The following GFPT1 variants were observed in gnomAD, a reference collection of about 807,000 sequenced individuals.
The protein encoded by GFPT1 is glutamine--fructose-6-phosphate transaminase 1, also known as glutamine--fructose-6-phosphate aminotransferase [isomerizing] 1.
A neutral mutation model predicts 92.0 loss-of-function variants in GFPT1; 40 were observed. That is an observed-to-expected ratio of 0.43 (90% CI 0.34 to 0.57). The LOEUF (loss-of-function observed/expected upper bound fraction) is 0.57. Ranked by LOEUF, GFPT1 falls within the 20% of genes least tolerant of loss-of-function variation. GFPT1 has a pLI of 0.02. For synonymous variants in GFPT1, 269 were observed against 280.6 expected (o/e 0.96, Z 0.41); for missense variants, 448 against 869.1 (o/e 0.52, Z 6.09).
At chr2:69,359,430 T>C in intron 4 of GFPT1, 104 bp from the exon 5 acceptor site, 3 of 682,132 alleles carry the variant, frequency 4.4e-6, no homozygotes, top group East Asian at 2.8e-5. Flanking sequence ...ATTTTTAACA[T>C]GCTATATACT....
intron 1 of GFPT1, among the ~76,000 whole-genome samples, chr2:69,382,227 A>T (rs1574093104): frequency 6.6e-6 from 1 of 152,324 alleles, no homozygotes. Flanking sequence ...TGTTAACATC[A>T]AAATATTCTG....
In GFPT1 at chr2:69,354,576, T is replaced by C. The variant is rs2104648140; in HGVS notation, c.606-8A>G. The stretch of plus-strand genomic sequence containing the variant: ...AACAGAGGGCTACCTCGCCTGTAAA[T>C]TGCAAAAGCAGTTAGAATTAAACCA... On this transcript the variant is annotated splice_region_variant and splice_polypyrimidine_tract_variant and intron_variant, in intron 7 of 19. Transcript: ENST00000357308. 6.3e-7 allele frequency: 1 copy of C among 1,582,044 alleles called. No homozygotes were observed. Among genetic ancestry groups the C allele is most frequent in the Non-Finnish European group, 8.7e-7 (1 of 1,150,794 alleles).
In GFPT1 at chr2:69,326,243, G is replaced by GAAAAAAAAAAAA; in HGVS notation, c.2056-22_2056-11dup. The GAAAAAAAAAAAA allele has an allele frequency of 7.4e-7, 1 of 1,346,800 alleles. No individual in the cohort carries two copies. Among genetic ancestry groups the GAAAAAAAAAAAA allele is most frequent in the Non-Finnish European group, 1.0e-6 (1 of 974,834 alleles). The allele number at this position is 1,346,800 out of a possible 1,614,324, so 83.4% of individuals were successfully genotyped here. A position where few individuals can be genotyped will look rare whatever the true frequency, so the allele number is the denominator to read the frequency against. Reference sequence around the variant, plus strand: ...TCCGTGGGAAATCAACCTGCAAAAAGAAAAAAAAAAAAAGCAAGATTTGAG... The same window carrying GAAAAAAAAAAAA: ...TCCGTGGGAAATCAACCTGCAAAAAGAAAAAAAAAAAAAAAAAAAAAAAAAGCAAGATTTGAG... On this transcript the variant is annotated splice_polypyrimidine_tract_variant and intron_variant, in intron 19 of 19. Transcript: ENST00000357308.
At position 69,326,901 on chromosome 2, in the gene GFPT1, G is replaced by A; in HGVS notation, c.2055+13C>T. On this transcript the variant is annotated intron_variant, in intron 19 of 19. Coordinates refer to ENST00000357308, the MANE Select transcript of GFPT1 (RefSeq NM_001244710.2). ...AAACCATCCCAAGATTTCTGCAGTG[G>A]TAGATGACTTACATCATAGCCTCTC... 1 of 1,613,620 alleles carries A rather than the reference G, an allele frequency of 6.2e-7. No individual in the cohort carries two copies. The highest frequency in any genetic ancestry group is 8.5e-7 in the Non-Finnish European group (1 of 1,179,490).
intron 15 of GFPT1, among the ~76,000 whole-genome samples, 153 bp downstream of exon 15, chr2:69,337,745 G>C (rs563091817): frequency 6.6e-6 from 1 of 152,318 alleles, no homozygotes; most frequent in Non-Finnish European, 1.5e-5. Context: ...ACAATGATTA[G>C]TAAAATGTGT....
intron 1 of GFPT1, among the ~76,000 whole-genome samples, chr2:69,376,908 T>G (rs1671884637): frequency 6.6e-6 from 1 of 151,998 alleles, no homozygotes; most frequent in Non-Finnish European, 1.5e-5. Context: ...TAGACTCTAC[T>G]TTTTTTTAAA....
chr2:69,362,956 A>C (rs1158416623), intron 4 of GFPT1, among the ~76,000 whole-genome samples: 1 of 151,974 alleles, frequency 6.6e-6, no homozygotes, highest in Non-Finnish European at 1.5e-5. Flanking sequence ...CCAATAACAA[A>C]AGTTCTCAGC....
At chr2:69,344,189 A>G (rs1390831326) in intron 12 of GFPT1, among the ~76,000 whole-genome samples, 2 of 46,066 alleles carry the variant, frequency 4.3e-5, no homozygotes, top group Non-Finnish European at 7.9e-5. Context: ...AGCAAAGCAA[A>G]AAAAAAAAAA....
intron 6 of GFPT1, among the ~76,000 whole-genome samples, chr2:69,357,452 A>G (rs965170344): frequency 1.3e-5 from 2 of 152,252 alleles, no homozygotes; most frequent in African/African-American, 4.8e-5. Context: ...CTTGGAACAC[A>G]AACTGGATTA....
intron 7 of GFPT1, 117 bp from the exon 8 acceptor site, chr2:69,354,685 T>C: frequency 2.8e-6 from 2 of 726,590 alleles, no homozygotes; most frequent in Non-Finnish European, 5.0e-6. Context: ...CAAGCTCAAC[T>C]TCAGATATAA....
chr2:69,349,373 G>A (rs1671156063), intron 10 of GFPT1, among the ~76,000 whole-genome samples: 1 of 152,066 alleles, frequency 6.6e-6, no homozygotes, highest in South Asian at 2.1e-4. Flanking sequence ...TCTTAGCCCT[G>A]ACTACACACC....
intron 12 of GFPT1, among the ~76,000 whole-genome samples, chr2:69,343,775 T>TA (rs1671013513): frequency 6.6e-6 from 1 of 152,234 alleles, no homozygotes. Flanking sequence ...TTTTACTTTT[T>TA]ATCTTTTGAA....
intron 6 of GFPT1, among the ~76,000 whole-genome samples, chr2:69,357,341 G>T (rs1451123285): frequency 6.6e-6 from 1 of 152,114 alleles, no homozygotes; most frequent in African/African-American, 2.4e-5. Context: ...TTATTAACAT[G>T]CACACCATAC....
chr2:69,372,334 C>G (rs1210465491), intron 2 of GFPT1, among the ~76,000 whole-genome samples: 1 of 151,898 alleles, frequency 6.6e-6, no homozygotes, highest in African/African-American at 2.4e-5. Flanking sequence ...CTTTGGGAGG[C>G]CAGGGCGGGT....
At chr2:69,338,691 C>A in intron 13 of GFPT1, 126 bp from the exon 14 acceptor site, 1 of 812,132 alleles carries the variant, frequency 1.2e-6, no homozygotes, top group Non-Finnish European at 2.0e-6. Context: ...AAAATAAAAA[C>A]AACCCAGATT....
Position 69,356,672 on chromosome 2 carries a change from C to T in GFPT1, c.544-115G>A, listed in dbSNP as rs1189737822. On this transcript the variant is annotated intron_variant, in intron 6 of 19. Transcript: ENST00000357308. ...TTGTTCACACAAATGCTCTTTTGTA[C>T]CAGTTTATAAACAAGTCTAAAGTTT... is the stretch of plus-strand genomic sequence containing the variant. 4 of 772,482 alleles carry T rather than the reference C, an allele frequency of 5.2e-6. No homozygotes were observed. The Admixed American group carries it at 5.5e-5, about 11-fold the overall frequency. The allele number at this position is 772,482 out of a possible 1,614,324, so 47.9% of individuals were successfully genotyped here. A position where few individuals can be genotyped will look rare whatever the true frequency, so the allele number is the denominator to read the frequency against.
In GFPT1 at chr2:69,325,996, C is replaced by CA. The variant is rs1670520409; in HGVS notation, c.*192dup. ...AGATTCCATTATTCAAAGTCCTCCA[C>CA]AAATTACTGGGAAAATGTAAGAGGT... On this transcript the variant is annotated 3_prime_UTR_variant, in exon 20 of 20. Coordinates refer to ENST00000357308, the MANE Select transcript of GFPT1 (RefSeq NM_001244710.2). The CA allele has an allele frequency of 7.2e-6, 4 of 555,236 alleles. No homozygotes were observed. The highest frequency in any genetic ancestry group is 1.3e-5 in the Non-Finnish European group (4 of 315,068). 34.4% of individuals were successfully genotyped at this position (555,236 alleles called of 1,614,324 possible).
At chr2:69,384,632 T>C (rs954861786) in intron 1 of GFPT1, among the ~76,000 whole-genome samples, 6 of 135,538 alleles carry the variant, frequency 4.4e-5, no homozygotes, top group African/African-American at 1.4e-4. Context: ...AGACAGAGGC[T>C]GCAGTGAGCC....
intron 2 of GFPT1, among the ~76,000 whole-genome samples, chr2:69,371,076 C>CTTTTTTTTTTTT (rs1156764424): frequency 7.8e-6 from 1 of 127,774 alleles, no homozygotes; most frequent in Non-Finnish European, 1.7e-5. Flanking sequence ...CTTTTCTTTT[C>CTTTTTTTTTTTT]TTTTTTTTTT....
Sources: allele counts gnomAD v4.1 joint callset (sites outside exome capture counted in the v4.1 genomes callset), GRCh38; gene constraint gnomAD v4.1.1; transcripts MANE v1.5; gene names NCBI Gene and HGNC (gene_info 2026-07-23, HGNC 2026-07-21).